PHACTR2: variants seen among roughly 807,000 people sequenced by gnomAD.
The protein encoded by PHACTR2 is phosphatase and actin regulator 2, also known as chromosome 6 open reading frame 56.
Under a neutral mutation model 76.0 loss-of-function variants are expected in PHACTR2, and 30 were observed. The ratio of observed to expected loss-of-function variants is 0.39; its 90% CI spans 0.30 to 0.54. PHACTR2 has a LOEUF of 0.54. Among genes scored for constraint, PHACTR2 ranks in the 20% least tolerant of loss-of-function variants. The pLI is 0.61. For synonymous variants in PHACTR2, 292 were observed against 292.5 expected (o/e 1.00, Z 0.02); for missense variants, 696 against 781.1 (o/e 0.89, Z 1.30).
At position 143,561,883 on chromosome 6, in the gene PHACTR2, A is replaced by T. The variant is rs1298999774; in HGVS notation, c.217+24676A>T. ...GAAATTCAGGTTGCCTTTGATATTA[A>T]CCTCCATGAAGACTATCACTGATTG... On this transcript the variant is annotated intron_variant, in intron 1 of 11. Transcript: ENST00000367584. The surrounding 1 kb of genome is among the most constrained non-coding windows in gnomAD (Gnocchi z 4.1). 2 of 151,284 alleles carry T rather than the reference A, an allele frequency of 1.3e-5. No individual in the cohort carries two copies. Among genetic ancestry groups the T allele is most frequent in the Non-Finnish European group, 2.9e-5 (2 of 67,800 alleles). The allele number at this position is 151,284 out of a possible 1,614,324, so 9.4% of individuals were successfully genotyped here.
In PHACTR2 at chr6:143,550,472, A is replaced by G. The variant is rs1326082714; in HGVS notation, c.217+13265A>G. 2.0e-5 allele frequency among the ~76,000 whole-genome samples: 3 copies of G among 151,970 alleles called. No individual in the cohort carries two copies. Among genetic ancestry groups the G allele is most frequent in the Admixed American group, 2.0e-4 (3 of 15,230 alleles). ...TCCTGTTTGGCAAACCTTACTATAT[A>G]TTATCTATATAGTAAATAATGGGCG... On this transcript the variant is annotated intron_variant, in intron 1 of 11. Coordinates refer to the PHACTR2 transcript ENST00000367584. This position sits in a 1 kb window ranked among gnomAD's most constrained non-coding sequence, Gnocchi z 4.8.
rs897586376 is a variant in PHACTR2, at chr6:143,550,266, A to G, written c.217+13059A>G. ...GAATTGAGCTTGTGCACTTTCTAAC[A>G]GGCTTCTAAGTTTTGCTGACGCTGC... On this transcript the variant is annotated intron_variant, in intron 1 of 11. Coordinates refer to the PHACTR2 transcript ENST00000367584. The surrounding 1 kb of genome is among the most constrained non-coding windows in gnomAD (Gnocchi z 4.8). Among the ~76,000 whole-genome samples the G allele has an allele frequency of 6.6e-6, 1 of 152,022 alleles. No homozygotes were observed. Among genetic ancestry groups the G allele is most frequent in the Admixed American group, 6.6e-5 (1 of 15,262 alleles).
intron 2 of PHACTR2, among the ~76,000 whole-genome samples, chr6:143,714,906 C>G (rs1189656257): frequency 6.6e-6 from 1 of 152,004 alleles, no homozygotes; most frequent in Non-Finnish European, 1.5e-5. Context: ...AACATCCTTC[C>G]TTTGGATTTT....
intron 1 of PHACTR2, among the ~76,000 whole-genome samples, chr6:143,657,153 T>A (rs1000808760): frequency 1.3e-5 from 2 of 151,992 alleles, no homozygotes; most frequent in Non-Finnish European, 2.9e-5. Flanking sequence ...AAAACCTAGA[T>A]GACGGGTTGA....
In PHACTR2 at chr6:143,679,052, G is replaced by C. The variant is rs1029536234; in HGVS notation, c.46+843G>C. Reference sequence around the variant, plus strand: ...CAACGATTAAAAATAAATAATACTCGAAGGGACCGTTTATGTTACTCATTG... The same window carrying C: ...CAACGATTAAAAATAAATAATACTCCAAGGGACCGTTTATGTTACTCATTG... On this transcript the variant is annotated intron_variant, in intron 1 of 12. Coordinates refer to ENST00000440869, the MANE Select transcript of PHACTR2 (RefSeq NM_001100164.2). This position sits in a 1 kb window ranked among gnomAD's most constrained non-coding sequence, Gnocchi z 4.6. Among the ~76,000 whole-genome samples the C allele has an allele frequency of 1.3e-5, 2 of 151,970 alleles. No individual in the cohort carries two copies. Among genetic ancestry groups the C allele is most frequent in the African/African-American group, 4.8e-5 (2 of 41,358 alleles).
At chr6:143,604,989 T>C (rs1056118997), upstream of PHACTR2, among the ~76,000 whole-genome samples, 3 of 109,824 alleles carry the variant, frequency 2.7e-5, no homozygotes, top group African/African-American at 9.0e-5. Context: ...CAGTTGCTAA[T>C]AGGGTTTTTT....
intron 12 of PHACTR2, among the ~76,000 whole-genome samples, chr6:143,814,137 C>T (rs1012995598): frequency 6.6e-6 from 1 of 152,172 alleles, no homozygotes; most frequent in Non-Finnish European, 1.5e-5. Context: ...CAGAGGATCA[C>T]ATGAGGTCAG....
rs912566209 is a variant in PHACTR2 at position 143,710,586 on chromosome 6, G to T, written c.47-1430G>T. 4.3e-4 allele frequency among the ~76,000 whole-genome samples: 65 copies of T among 152,210 alleles called. No homozygotes were observed. Among genetic ancestry groups the T allele is most frequent in the Non-Finnish European group, 1.5e-4 (10 of 68,004 alleles). On this transcript the variant is annotated intron_variant, in intron 1 of 12. Coordinates refer to ENST00000440869, the MANE Select transcript of PHACTR2 (RefSeq NM_001100164.2). This position sits in a 1 kb window ranked among gnomAD's most constrained non-coding sequence, Gnocchi z 4.9. ...CATGTGCCTGTAGTCAGTCCCAGCT[G>T]CTTGGGAGGCTGAGGCAGGAGAATT...
intron 11 of PHACTR2, among the ~76,000 whole-genome samples, chr6:143,802,442 CCAGCCTGGGCAACA>C (rs1775978511): frequency 6.6e-6 from 1 of 151,712 alleles, no homozygotes; most frequent in Non-Finnish European, 1.5e-5. Context: ...GAGTTCAAGA[CCAGCCTGGGCAACA>C]CAGCAAAACC....
intron 1 of PHACTR2, among the ~76,000 whole-genome samples, chr6:143,665,192 T>C (rs576783258): frequency 1.5e-4 from 23 of 152,370 alleles, no homozygotes; most frequent in African/African-American, 5.5e-4. Flanking sequence ...AATGAGTGTT[T>C]ACCTGGATAT....
At chr6:143,692,100 C>T (rs1032704001) in intron 1 of PHACTR2, among the ~76,000 whole-genome samples, 1 of 152,158 alleles carries the variant, frequency 6.6e-6, no homozygotes, top group Non-Finnish European at 1.5e-5. Context: ...TGGAAGGCCA[C>T]TGTTCGTTGC....
intron 1 of PHACTR2, among the ~76,000 whole-genome samples, chr6:143,693,413 T>C (rs540313126): frequency 6.6e-6 from 1 of 152,240 alleles, no homozygotes; most frequent in Admixed American, 6.5e-5. Flanking sequence ...AATTTTTGTA[T>C]TTTTAGTAGA....
At chr6:143,747,108 A>G (rs965913210) in intron 2 of PHACTR2, among the ~76,000 whole-genome samples, 1 of 152,260 alleles carries the variant, frequency 6.6e-6, no homozygotes, top group Non-Finnish European at 1.5e-5. Flanking sequence ...AATGTGCAGT[A>G]AAGAGCTTAT....
rs1396137190 is a variant in PHACTR2, at chr6:143,570,315, A to G, written c.217+33108A>G. Among the ~76,000 whole-genome samples, 2 of 152,152 alleles carry G rather than the reference A, an allele frequency of 1.3e-5. No homozygotes were observed. The highest frequency in any genetic ancestry group is 2.9e-5 in the Non-Finnish European group (2 of 68,018). ...GCCCCATTTGTTTTTCCATTCAGCCACCCGCTGGCCCTAATCACAAATGTC... is the reference window on the plus strand; with the variant it reads ...GCCCCATTTGTTTTTCCATTCAGCCGCCCGCTGGCCCTAATCACAAATGTC... On this transcript the variant is annotated intron_variant, in intron 1 of 11. Coordinates refer to the PHACTR2 transcript ENST00000367584. This position sits in a 1 kb window ranked among gnomAD's most constrained non-coding sequence, Gnocchi z 4.6.
rs1266673535 is a variant in PHACTR2 at position 143,679,051 on chromosome 6, C to G, written c.46+842C>G. ...TCAACGATTAAAAATAAATAATACT[C>G]GAAGGGACCGTTTATGTTACTCATT... On this transcript the variant is annotated intron_variant, in intron 1 of 12. Coordinates refer to ENST00000440869, the MANE Select transcript of PHACTR2 (RefSeq NM_001100164.2). The surrounding 1 kb of genome is among the most constrained non-coding windows in gnomAD (Gnocchi z 4.6). Among the ~76,000 whole-genome samples, 1 of 152,018 alleles carries G rather than the reference C, an allele frequency of 6.6e-6. No homozygotes were observed. The highest frequency in any genetic ancestry group is 1.5e-5 in the Non-Finnish European group (1 of 68,004).
intron 2 of PHACTR2, among the ~76,000 whole-genome samples, chr6:143,736,964 G>C (rs9484804): frequency 0.031 from 4,671 of 151,874 alleles, 246 homozygotes; most frequent in African/African-American, 0.1. Context: ...AGAGAAGTTG[G>C]GGAGTTTGCC....
At position 143,633,318 on chromosome 6, in the gene PHACTR2, G is replaced by A. The variant is rs1442743144; in HGVS notation, c.13+24996G>A. Among the ~76,000 whole-genome samples the A allele has an allele frequency of 2.0e-5, 3 of 152,154 alleles. No individual in the cohort carries two copies. Among genetic ancestry groups the A allele is most frequent in the Non-Finnish European group, 4.4e-5 (3 of 68,030 alleles). The stretch of plus-strand genomic sequence containing the variant: ...TTGACCATTCTCAAAGATGAGTAGT[G>A]GCATCTTGTTGCTTCAATTTGCAAT... On this transcript the variant is annotated intron_variant, in intron 1 of 11. Transcript: ENST00000305766. This position sits in a 1 kb window ranked among gnomAD's most constrained non-coding sequence, Gnocchi z 4.1.
intron 1 of PHACTR2, among the ~76,000 whole-genome samples, chr6:143,593,328 AAC>A (rs58318918): frequency 0.43 from 64,514 of 151,362 alleles, 14,037 homozygotes; most frequent in African/African-American, 0.46. Flanking sequence ...TCAAGGAGGA[AAC>A]ACAGGGGGTG....
rs1250545228 is a variant in PHACTR2, at chr6:143,548,112, C to T, written c.217+10905C>T. The stretch of plus-strand genomic sequence containing the variant: ...AGGCTGGAAGTTCAAGATCAAGACA[C>T]TGGCAGATTCAGTGTTTGGCGAGGG... On this transcript the variant is annotated intron_variant, in intron 1 of 11. Transcript: ENST00000367584. This position sits in a 1 kb window ranked among gnomAD's most constrained non-coding sequence, Gnocchi z 4.5. 1.3e-5 allele frequency among the ~76,000 whole-genome samples: 2 copies of T among 152,196 alleles called. No homozygotes were observed. The highest frequency in any genetic ancestry group is 4.8e-5 in the African/African-American group (2 of 41,454).
Sources: gnomAD v4.1 joint callset for allele counts (sites outside exome capture counted in the v4.1 genomes callset) on GRCh38, gnomAD v4.1.1 for gene constraint, Gnocchi (gnomAD v3.1) non-coding constraint, MANE v1.5 for transcripts, NCBI Gene and HGNC (gene_info 2026-07-23, HGNC 2026-07-21) for gene names.